Variants in CDH12 observed in about 807,000 individuals in gnomAD.
CDH12 encodes cadherin-12.
In CDH12, 41 loss-of-function variants were observed where a neutral mutation model predicts 74.1. The ratio of observed to expected loss-of-function variants is 0.55; its 90% confidence interval spans 0.43 to 0.72. The LOEUF (loss-of-function observed/expected upper bound fraction) is 0.72, where lower values mean the gene tolerates loss of function less well. Ranked by LOEUF, CDH12 falls within the 30% of genes least tolerant of loss-of-function variation. The probability of loss-of-function intolerance (pLI) is 0.00; values close to 1 mark genes in which losing one functional copy is unlikely to be tolerated. For synonymous variants in CDH12, 399 were observed against 355.0 expected, an observed-to-expected ratio of 1.12 and a Z score of -1.39; for missense variants, 945 against 977.2, an observed-to-expected ratio of 0.97 and a Z score of 0.44.
At chr5:22,060,099 A>G (rs949636010) in intron 5 of CDH12, among the ~76,000 whole-genome samples, 2 of 152,170 alleles carry the variant, frequency 1.3e-5, no homozygotes, top group African/African-American at 4.8e-5. Context: ...TGTGAGCTCT[A>G]GGAGCATATG....
At chr5:21,974,759 T>A (rs1756989537) in intron 6 of CDH12, among the ~76,000 whole-genome samples, 1 of 152,120 alleles carries the variant, frequency 6.6e-6, no homozygotes, top group South Asian at 2.1e-4. Context: ...GTAGGGTAGG[T>A]GTCTCCAGCA....
At chr5:22,226,594 C>T (rs1752202509) in intron 3 of CDH12, among the ~76,000 whole-genome samples, 1 of 152,092 alleles carries the variant, frequency 6.6e-6, no homozygotes, top group Admixed American at 6.6e-5. Context: ...CACTAGAGCT[C>T]TGACTTCAAT....
intron 4 of CDH12, among the ~76,000 whole-genome samples, chr5:22,109,341 A>G (rs1269794246): frequency 1.3e-5 from 2 of 152,206 alleles, no homozygotes; most frequent in Admixed American, 1.3e-4. Flanking sequence ...CCTACTGCCC[A>G]TTATAAATGA....
intron 1 of CDH12, among the ~76,000 whole-genome samples, chr5:22,682,931 G>A (rs1741573472): frequency 6.6e-6 from 1 of 152,072 alleles, no homozygotes; most frequent in South Asian, 2.1e-4. Context: ...CACCCAGTGA[G>A]ATGATCCATA....
rs74535686 is a variant in CDH12 at position 21,780,826 on chromosome 5, T to C, written c.1393+2532A>G. Among the ~76,000 whole-genome samples the C allele has an allele frequency of 2.6e-3, 392 of 152,316 alleles. 1 individual carries two copies. Among genetic ancestry groups the C allele is most frequent in the African/African-American group, 9.2e-3 (383 of 41,576 alleles). On this transcript the variant is annotated intron_variant, in intron 11 of 14. Coordinates refer to ENST00000382254, the MANE Select transcript of CDH12 (RefSeq NM_004061.5). ...AAAGTGGATTTTTAAAATTATGATA[T>C]ATTTTAGCTGTCCCCAAATTCTGCA... is the stretch of plus-strand genomic sequence containing the variant.
In CDH12 at chr5:22,698,732, TATA is replaced by T. The variant is rs1561586123; in HGVS notation, c.-523+154323_-523+154325del. ...ATATATATATATATATATATATATATATAGTGTGTGTGTGTGTGTGTGTGTGTG... is the reference window on the plus strand; with the variant it reads ...ATATATATATATATATATATATATATGTGTGTGTGTGTGTGTGTGTGTGTG... On this transcript the variant is annotated intron_variant, in intron 1 of 14. Transcript: ENST00000382254. 1.9e-3 allele frequency among the ~76,000 whole-genome samples: 28 copies of T among 15,064 alleles called. 2 individuals carry two copies. Among genetic ancestry groups the T allele is most frequent in the East Asian group, 4.8e-3 (1 of 210 alleles). 9.9% of individuals were successfully genotyped at this position (15,064 alleles called of 152,430 possible). A position where few individuals can be genotyped will look rare whatever the true frequency, so the allele number is the denominator to read the frequency against.
intron 2 of CDH12, among the ~76,000 whole-genome samples, chr5:22,462,581 C>T (rs560925470): frequency 6.6e-6 from 1 of 152,238 alleles, no homozygotes; most frequent in South Asian, 2.1e-4. Flanking sequence ...GAAGAAAAAT[C>T]AGATGCCACC....
chr5:22,042,046 C>G (rs1343460779), intron 5 of CDH12, among the ~76,000 whole-genome samples: 1 of 152,050 alleles, frequency 6.6e-6, no homozygotes, highest in Non-Finnish European at 1.5e-5. Flanking sequence ...ACAACATACT[C>G]TTGAACAATC....
chr5:21,993,061 A>G (rs560708182), intron 5 of CDH12, among the ~76,000 whole-genome samples: 37 of 152,182 alleles, frequency 2.4e-4, no homozygotes, highest in Non-Finnish European at 4.6e-4. Context: ...GATGAGGGGG[A>G]CATCTGCCCT....
chr5:21,785,095 A>AGTGT (rs1746128270), intron 10 of CDH12, among the ~76,000 whole-genome samples: 1 of 71,618 alleles, frequency 1.4e-5, no homozygotes, highest in Non-Finnish European at 4.0e-5. Flanking sequence ...TAATATTATA[A>AGTGT]CAGGGTGATC....
intron 1 of CDH12, among the ~76,000 whole-genome samples, chr5:22,525,723 G>A (rs1032368008): frequency 3.3e-5 from 5 of 151,926 alleles, no homozygotes; most frequent in African/African-American, 2.4e-5. Flanking sequence ...AAGCAACTTC[G>A]GGCTCTACTT....
chr5:22,797,997 C>A (rs1424572273), intron 1 of CDH12, among the ~76,000 whole-genome samples: 2 of 152,090 alleles, frequency 1.3e-5, no homozygotes, highest in Admixed American at 1.3e-4. Context: ...ATTTTCTCAC[C>A]AGCTTTGTTT....
At chr5:21,880,616 C>CTCTTTCTTTCTTTCT (rs1752255658) in intron 6 of CDH12, among the ~76,000 whole-genome samples, 1 of 50,810 alleles carries the variant, frequency 2.0e-5, no homozygotes, top group African/African-American at 8.8e-5. Flanking sequence ...TCCTTCCTTC[C>CTCTTTCTTTCTTTCT]TTCTTTCTTT....
intron 2 of CDH12, among the ~76,000 whole-genome samples, chr5:22,441,182 G>A (rs1744608430): frequency 6.6e-6 from 1 of 152,140 alleles, no homozygotes; most frequent in Non-Finnish European, 1.5e-5. Flanking sequence ...ATATCTACAT[G>A]TATATTTGTG....
intron 6 of CDH12, among the ~76,000 whole-genome samples, chr5:21,923,049 T>C (rs1275752812): frequency 1.3e-5 from 2 of 152,054 alleles, no homozygotes; most frequent in African/African-American, 2.4e-5. Context: ...TTTAAACACA[T>C]ATTTAAGCAA....
chr5:22,098,550 T>C (rs1049129751), intron 4 of CDH12, among the ~76,000 whole-genome samples: 7 of 152,166 alleles, frequency 4.6e-5, no homozygotes, highest in Non-Finnish European at 7.3e-5. Context: ...CTCAACTCAC[T>C]CGCTACAGTT....
At chr5:22,702,010 C>T (rs1190075756) in intron 1 of CDH12, among the ~76,000 whole-genome samples, 1 of 152,130 alleles carries the variant, frequency 6.6e-6, no homozygotes, top group Non-Finnish European at 1.5e-5. Context: ...AAACCCAAGA[C>T]TAAACACAAG....
chr5:22,604,465 A>G (rs1736999627), intron 1 of CDH12, among the ~76,000 whole-genome samples: 1 of 152,198 alleles, frequency 6.6e-6, no homozygotes, highest in African/African-American at 2.4e-5. Context: ...CCTTTCTCAG[A>G]TGAGCAATCA....
intron 1 of CDH12, among the ~76,000 whole-genome samples, chr5:22,626,979 T>C (rs1738330841): frequency 6.6e-6 from 1 of 152,158 alleles, no homozygotes; most frequent in South Asian, 2.1e-4. Flanking sequence ...AACAGCAGAA[T>C]AGACCATGTA....
Sources: gnomAD v4.1 joint callset for allele counts (sites outside exome capture counted in the v4.1 genomes callset) on GRCh38, gnomAD v4.1.1 for gene constraint, MANE v1.5 for transcripts, NCBI Gene and HGNC (gene_info 2026-07-23, HGNC 2026-07-21) for gene names.